Variants in LEMD1 observed in about 807,000 individuals in gnomAD.
LEMD1 encodes LEM domain containing 1, also known as LEM domain-containing protein 1.
A neutral mutation model predicts 17.4 loss-of-function variants in LEMD1; 18 were observed. That is an observed-to-expected ratio of 1.04 (90% CI 0.72 to 1.54). The LOEUF (loss-of-function observed/expected upper bound fraction) is 1.54, where lower values mean the gene tolerates loss of function less well. LEMD1 is among the 40% of genes most tolerant of loss of function. The probability of loss-of-function intolerance (pLI) is 0.00; values close to 1 mark genes in which losing one functional copy is unlikely to be tolerated. For synonymous variants in LEMD1, 88 were observed against 77.8 expected, an observed-to-expected ratio of 1.13 and a Z score of -0.69; for missense variants, 195 against 210.4, an observed-to-expected ratio of 0.93 and a Z score of 0.45.
upstream of LEMD1, among the ~76,000 whole-genome samples, chr1:205,426,457 G>A (rs1283876404): frequency 6.6e-6 from 1 of 152,172 alleles, no homozygotes; most frequent in South Asian, 2.1e-4. Flanking sequence ...TGCCAAAGAA[G>A]GTCAGAAACA....
Position 205,388,202 on chromosome 1 carries a change from C to CTT in LEMD1, c.271-3840_271-3839dup, listed in dbSNP as rs11317071. On this transcript the variant is annotated intron_variant, in intron 4 of 5. Transcript: ENST00000367153. ...ACTTCAATTCACTTAATCTTTCTTTCTTTTTTTTTTTTTTGTGACAGAGTC... is the reference window on the plus strand; with the variant it reads ...ACTTCAATTCACTTAATCTTTCTTTCTTTTTTTTTTTTTTTTGTGACAGAGTC... Among the ~76,000 whole-genome samples the CTT allele has an allele frequency of 3.2e-4, 47 of 145,934 alleles. No individual in the cohort carries two copies. In the East Asian group the frequency reaches 6.6e-3, roughly 20 times the overall value.
intron 1 of LEMD1, among the ~76,000 whole-genome samples, chr1:205,442,069 G>A (rs1344887108): frequency 6.6e-6 from 1 of 152,154 alleles, no homozygotes; most frequent in African/African-American, 2.4e-5. Flanking sequence ...CTCTGCCCCT[G>A]GGCCTATGGA....
chr1:205,416,143 G>T, intron 4 of LEMD1, 89 bp downstream of exon 4: 3 of 767,702 alleles, frequency 3.9e-6, no homozygotes, highest in Non-Finnish European at 4.2e-6. Flanking sequence ...GTAGTGACTT[G>T]CTATCCCCTT....
intron 5 of LEMD1, 34 bp downstream of exon 5, chr1:205,384,254 A>G: frequency 7.9e-7 from 1 of 1,272,880 alleles, no homozygotes; most frequent in Non-Finnish European, 1.1e-6. Context: ...ATACAATAAT[A>G]TCAATTTCCA....
intron 4 of LEMD1, among the ~76,000 whole-genome samples, chr1:205,409,144 A>G (rs967173105): frequency 1.3e-5 from 2 of 152,128 alleles, no homozygotes; most frequent in African/African-American, 2.4e-5. Context: ...TGGCCGGCAT[A>G]TTATTGTTTT....
At chr1:205,384,953 C>T (rs1297146890) in intron 4 of LEMD1, among the ~76,000 whole-genome samples, 4 of 151,608 alleles carry the variant, frequency 2.6e-5, no homozygotes, top group African/African-American at 7.3e-5. Flanking sequence ...GGGAGCACTC[C>T]ACCCCTATCT....
chr1:205,443,906 C>A (rs1485272082), intron 1 of LEMD1, among the ~76,000 whole-genome samples: 1 of 152,164 alleles, frequency 6.6e-6, no homozygotes, highest in Non-Finnish European at 1.5e-5. Flanking sequence ...AGTCCCTCTG[C>A]CAGGCTGTGG....
intron 1 of LEMD1, among the ~76,000 whole-genome samples, chr1:205,445,994 ACT>A (rs775878190): frequency 4.6e-5 from 7 of 152,006 alleles, no homozygotes; most frequent in Admixed American, 1.3e-4. Flanking sequence ...ACATGGGCCC[ACT>A]CTCGCAAGGG....
chr1:205,426,489 G>A (rs1050971863), upstream of LEMD1, among the ~76,000 whole-genome samples: 1 of 152,186 alleles, frequency 6.6e-6, no homozygotes, highest in African/African-American at 2.4e-5. Flanking sequence ...CCCCTGGTTG[G>A]GGGTGGTGTT....
intron 4 of LEMD1, among the ~76,000 whole-genome samples, chr1:205,391,034 T>C (rs1664305280): frequency 6.6e-6 from 1 of 152,088 alleles, no homozygotes; most frequent in Admixed American, 6.6e-5. Context: ...AATACCTGTG[T>C]AACAAACCTG....
At chr1:205,400,217 A>C (rs1338883893) in intron 4 of LEMD1, among the ~76,000 whole-genome samples, 1 of 152,140 alleles carries the variant, frequency 6.6e-6, no homozygotes, top group Non-Finnish European at 1.5e-5. Context: ...ACGTGCCACC[A>C]TGCCCAGCTA....
intron 1 of LEMD1, among the ~76,000 whole-genome samples, chr1:205,442,162 C>T (rs887590093): frequency 6.6e-6 from 1 of 152,096 alleles, no homozygotes; most frequent in African/African-American, 2.4e-5. Flanking sequence ...GAGGTCAGGC[C>T]GGGGCCTGGT....
chr1:205,407,438 T>C (rs1216271286), intron 4 of LEMD1, among the ~76,000 whole-genome samples: 5 of 151,438 alleles, frequency 3.3e-5, no homozygotes, highest in Non-Finnish European at 7.4e-5. Context: ...AATGATTCAG[T>C]CAATCATGCG....
intron 4 of LEMD1, among the ~76,000 whole-genome samples, chr1:205,400,629 T>C (rs1203104309): frequency 2.0e-5 from 3 of 152,228 alleles, no homozygotes; most frequent in Non-Finnish European, 4.4e-5. Flanking sequence ...CCTGAAGCCC[T>C]TGTAATTTCC....
In LEMD1 at chr1:205,427,985, G is replaced by A. The variant is rs150189306; in HGVS notation, c.-38-7411C>T. On this transcript the variant is annotated intron_variant, in intron 1 of 3. Coordinates refer to the LEMD1 transcript ENST00000367154. The stretch of plus-strand genomic sequence containing the variant: ...AGTGTGGATGTTTCCTGAGGATCCC[G>A]AGTATGGAAGGCAATTGGGTGACTG... 4.1e-3 allele frequency among the ~76,000 whole-genome samples: 628 copies of A among 152,288 alleles called. 4 individuals carry two copies. The highest frequency in any genetic ancestry group is 0.014 in the African/African-American group (597 of 41,554).
chr1:205,385,009 G>T (rs540752724), intron 4 of LEMD1, among the ~76,000 whole-genome samples: 14 of 151,998 alleles, frequency 9.2e-5, no homozygotes, highest in African/African-American at 3.1e-4. Context: ...ACACAGAAAG[G>T]TTAAGTAACT....
chr1:205,386,967 A>T (rs1664062086), intron 4 of LEMD1: 2 of 152,220 alleles, frequency 1.3e-5, no homozygotes, highest in Non-Finnish European at 2.9e-5. Flanking sequence ...ATGAACCTCT[A>T]CATATCCATC....
At chr1:205,434,386 G>T (rs1437586172) in intron 1 of LEMD1, among the ~76,000 whole-genome samples, 2 of 149,684 alleles carry the variant, frequency 1.3e-5, no homozygotes, top group Non-Finnish European at 3.0e-5. Flanking sequence ...ATTTAGTAGA[G>T]ACGAAGTCTG....
intron 1 of LEMD1, among the ~76,000 whole-genome samples, chr1:205,442,726 A>G (rs1252613127): frequency 6.6e-6 from 1 of 152,210 alleles, no homozygotes; most frequent in East Asian, 1.9e-4. Flanking sequence ...ACTCTGGTGG[A>G]GTATATATAG....
Sources: allele counts gnomAD v4.1 joint callset (sites outside exome capture counted in the v4.1 genomes callset), GRCh38; gene constraint gnomAD v4.1.1; transcripts MANE v1.5; gene names NCBI Gene and HGNC (gene_info 2026-07-23, HGNC 2026-07-21).